The following PMS1 variants were observed in gnomAD, a reference collection of about 807,000 sequenced individuals.
PMS1 encodes the protein PMS1 homolog 1, mismatch repair system component.
Under a neutral mutation model 93.1 loss-of-function variants are expected in PMS1, and 79 were observed. The observed-to-expected ratio is 0.85, with a 90% CI of 0.71 to 1.02. The LOEUF (loss-of-function observed/expected upper bound fraction) is 1.02. Among genes scored for constraint, PMS1 ranks in the 50% least tolerant of loss-of-function variants. The pLI is 0.00. For synonymous variants in PMS1, 335 were observed against 363.4 expected (o/e 0.92, Z 0.89); for missense variants, 1,064 against 1,085.3 (o/e 0.98, Z 0.28).
intron 4 of PMS1, among the ~76,000 whole-genome samples, chr2:189,812,099 A>G (rs1322903981): frequency 6.6e-6 from 1 of 152,138 alleles, no homozygotes; most frequent in African/African-American, 2.4e-5. Flanking sequence ...TCAGGAGTTC[A>G]AGACCAGCCT....
At chr2:189,796,359 CA>C (rs910580281) in intron 3 of PMS1, among the ~76,000 whole-genome samples, 1 of 151,820 alleles carries the variant, frequency 6.6e-6, no homozygotes, top group Non-Finnish European at 1.5e-5. Flanking sequence ...GATTCTGTCT[CA>C]AAAAAATATA....
At chr2:189,825,308 T>A (rs1018129109) in intron 5 of PMS1, among the ~76,000 whole-genome samples, 1 of 152,160 alleles carries the variant, frequency 6.6e-6, no homozygotes, top group African/African-American at 2.4e-5. Flanking sequence ...TTATTTAAAG[T>A]AGATATTATT....
intron 5 of PMS1, among the ~76,000 whole-genome samples, chr2:189,842,160 T>G (rs1427876953): frequency 1.3e-5 from 2 of 151,972 alleles, no homozygotes; most frequent in Non-Finnish European, 1.5e-5. Context: ...CACTCTTGAT[T>G]GCCGTTTAGC....
At chr2:189,871,050 C>G (rs1378634053) in intron 11 of PMS1, among the ~76,000 whole-genome samples, 3 of 152,130 alleles carry the variant, frequency 2.0e-5, no homozygotes, top group Admixed American at 6.5e-5. Context: ...GTCTGCTTTC[C>G]TTTTACATAT....
intron 4 of PMS1, among the ~76,000 whole-genome samples, chr2:189,816,893 A>G (rs1559248813): frequency 6.6e-6 from 1 of 152,176 alleles, no homozygotes; most frequent in African/African-American, 2.4e-5. Flanking sequence ...ACAAAATGTC[A>G]TGACATAATA....
At chr2:189,827,938 G>GTTTGTTTGTTTGTTTT (rs567649699) in intron 5 of PMS1, among the ~76,000 whole-genome samples, 6 of 151,818 alleles carry the variant, frequency 4.0e-5, no homozygotes, top group African/African-American at 1.5e-4. Context: ...TTGTTTGTTT[G>GTTTGTTTGTTTGTTTT]TTTGAGACAG....
At chr2:189,850,815 G>C (rs2054627184) in intron 6 of PMS1, among the ~76,000 whole-genome samples, 1 of 152,122 alleles carries the variant, frequency 6.6e-6, no homozygotes, top group Non-Finnish European at 1.5e-5. Context: ...AGTCAAATAA[G>C]AGAAGGGCTG....
intron 5 of PMS1, among the ~76,000 whole-genome samples, chr2:189,824,135 TA>T (rs978027255): frequency 6.6e-6 from 1 of 152,316 alleles, no homozygotes; most frequent in African/African-American, 2.4e-5. Flanking sequence ...AGGTACTTTT[TA>T]AACAGTGAAT....
intron 6 of PMS1, among the ~76,000 whole-genome samples, chr2:189,849,438 C>CT (rs1319926959): frequency 1.3e-5 from 2 of 151,948 alleles, no homozygotes; most frequent in African/African-American, 4.8e-5. Flanking sequence ...ATTTCTTTAC[C>CT]TTTTTTTAAG....
rs1559301584 is a variant in PMS1, at chr2:189,852,820, T to C, written c.822+43T>C. ...AAAAAAATTATTTGAATTGGAAATT[T>C]GTCACATTGTAACAAGGACTGCTTC... On this transcript the variant is annotated intron_variant, in intron 7 of 12. Coordinates refer to ENST00000441310, the MANE Select transcript of PMS1 (RefSeq NM_000534.5). 2 of 1,302,686 alleles carry C rather than the reference T, an allele frequency of 1.5e-6. 1 individual carries two copies. Among genetic ancestry groups the C allele is most frequent in the South Asian group, 2.4e-5 (2 of 83,876 alleles). 80.7% of individuals were successfully genotyped at this position (1,302,686 alleles called of 1,614,324 possible).
intron 4 of PMS1, among the ~76,000 whole-genome samples, chr2:189,815,922 G>T (rs780330286): frequency 2.0e-5 from 3 of 151,998 alleles, no homozygotes; most frequent in Non-Finnish European, 2.9e-5. Context: ...TCCCCCCTTA[G>T]AAACAGGGTT....
At chr2:189,793,705 G>A (rs1291303089) in intron 2 of PMS1, among the ~76,000 whole-genome samples, 1 of 152,174 alleles carries the variant, frequency 6.6e-6, no homozygotes, top group Non-Finnish European at 1.5e-5. Context: ...CAGAAGTCCT[G>A]TATAAACTAA....
At chr2:189,803,482 CTT>C (rs2050069952) in intron 3 of PMS1, among the ~76,000 whole-genome samples, 1 of 152,114 alleles carries the variant, frequency 6.6e-6, no homozygotes, top group Non-Finnish European at 1.5e-5. Flanking sequence ...TATTTCTTCT[CTT>C]GACACCACTA....
intron 7 of PMS1, among the ~76,000 whole-genome samples, 191 bp from the exon 8 acceptor site, chr2:189,853,748 C>T (rs1441549706): frequency 6.6e-6 from 1 of 152,090 alleles, no homozygotes; most frequent in Non-Finnish European, 1.5e-5. Flanking sequence ...AACTCCTGAC[C>T]TCAAGTGATC....
chr2:189,848,789 T>A (rs2054455996), intron 6 of PMS1, among the ~76,000 whole-genome samples: 1 of 152,206 alleles, frequency 6.6e-6, no homozygotes. Context: ...GGTGTTGTAT[T>A]TATGTTGCCA....
At chr2:189,813,250 T>C (rs1432312081) in intron 4 of PMS1, among the ~76,000 whole-genome samples, 1 of 152,178 alleles carries the variant, frequency 6.6e-6, no homozygotes, top group Non-Finnish European at 1.5e-5. Context: ...TGGTGTTATA[T>C]GAGAAAGGAA....
At chr2:189,875,338 T>C (rs2057469263) in intron 12 of PMS1, among the ~76,000 whole-genome samples, 1 of 151,538 alleles carries the variant, frequency 6.6e-6, no homozygotes. Flanking sequence ...AATCCAGGCA[T>C]GCTTAAGTCC....
intron 1 of PMS1, among the ~76,000 whole-genome samples, chr2:189,789,805 C>T (rs904945181): frequency 1.3e-5 from 2 of 152,100 alleles, no homozygotes; most frequent in African/African-American, 4.8e-5. Context: ...ACCCCCAGCC[C>T]CCATTTTTTT....
chr2:189,841,291 G>A (rs1021619233), intron 5 of PMS1, among the ~76,000 whole-genome samples: 1 of 152,166 alleles, frequency 6.6e-6, no homozygotes, highest in Admixed American at 6.5e-5. Flanking sequence ...CAAAGAATAA[G>A]GTTTTCATAA....
Sources: gnomAD v4.1 joint callset for allele counts (sites outside exome capture counted in the v4.1 genomes callset) on GRCh38, gnomAD v4.1.1 for gene constraint, MANE v1.5 for transcripts, NCBI Gene and HGNC (gene_info 2026-07-23, HGNC 2026-07-21) for gene names.